Variants in TPRG1 observed in about 807,000 individuals in gnomAD.
The protein encoded by TPRG1 is tumor protein p63 regulated 1, also known as tumor protein p63-regulated gene 1 protein.
Under a neutral mutation model 29.3 loss-of-function variants are expected in TPRG1, and 29 were observed. The ratio of observed to expected loss-of-function variants is 0.99; its 90% CI spans 0.74 to 1.35. The LOEUF is 1.35. TPRG1 is among the 40% of genes most tolerant of loss of function. The pLI is 0.00. For missense variants in TPRG1, 327 were observed against 335.0 expected, an observed-to-expected ratio of 0.98 and a Z score of 0.19; for synonymous variants, 130 against 116.8, an observed-to-expected ratio of 1.11 and a Z score of -0.73.
At chr3:189,022,802 C>T (rs1713415020) in intron 3 of TPRG1, among the ~76,000 whole-genome samples, 2 of 152,356 alleles carry the variant, frequency 1.3e-5, no homozygotes, top group Middle Eastern at 3.4e-3. Context: ...CAAGCCGGGG[C>T]AATGGCGGGC....
intron 2 of TPRG1, among the ~76,000 whole-genome samples, chr3:189,209,683 T>A (rs1425256652): frequency 6.6e-6 from 1 of 152,200 alleles, no homozygotes; most frequent in African/African-American, 2.4e-5. Flanking sequence ...ATTCTGGAAC[T>A]TCTTTCTCCA....
rs536005788 is a variant in TPRG1 at position 189,017,201 on chromosome 3, G to T, written c.-659-6549G>T. Among the ~76,000 whole-genome samples, 13 of 32,974 alleles carry T rather than the reference G, an allele frequency of 3.9e-4. No individual in the cohort carries two copies. The East Asian group carries it at 8.6e-3, about 22-fold the overall frequency. The allele number at this position is 32,974 out of a possible 152,430, so 21.6% of individuals were successfully genotyped here. ...CAGAAAGACAGTCTTTGAGCTCTGA[G>T]ATTCTTTTTTTTTTTATTAAAATAT... On this transcript the variant is annotated intron_variant, in intron 3 of 10. Transcript: ENST00000433971.
upstream of TPRG1, among the ~76,000 whole-genome samples, chr3:189,169,595 T>A (rs570927680): frequency 6.6e-6 from 1 of 152,342 alleles, no homozygotes; most frequent in South Asian, 2.1e-4. Flanking sequence ...TACTGGGAGA[T>A]CTGTACATAG....
intron 4 of TPRG1, among the ~76,000 whole-genome samples, chr3:189,085,447 A>ATGTGTGTGTGTGCG (rs1553900877): frequency 8.2e-6 from 1 of 121,922 alleles, no homozygotes; most frequent in African/African-American, 4.3e-5. Flanking sequence ...GTGTGTGTGC[A>ATGTGTGTGTGTGCG]TGTGTGTGTG....
At chr3:189,001,427 G>A (rs1712012056) in intron 2 of TPRG1, among the ~76,000 whole-genome samples, 1 of 152,186 alleles carries the variant, frequency 6.6e-6, no homozygotes, top group African/African-American at 2.4e-5. Flanking sequence ...GGCAGATTCA[G>A]TGTCTGGTGA....
At chr3:189,311,659 T>G (rs1722510397) in intron 5 of TPRG1, among the ~76,000 whole-genome samples, 4 of 152,132 alleles carry the variant, frequency 2.6e-5, no homozygotes. Flanking sequence ...ATTATGCAAA[T>G]GTCCTCAGGG....
At chr3:189,238,284 A>G (rs1739867257) in intron 3 of TPRG1, among the ~76,000 whole-genome samples, 1 of 152,198 alleles carries the variant, frequency 6.6e-6, no homozygotes. Flanking sequence ...CAGCAGTGCA[A>G]CCTTCGGAAA....
At chr3:189,022,797 C>G (rs1009815976) in intron 3 of TPRG1, among the ~76,000 whole-genome samples, 60 of 152,282 alleles carry the variant, frequency 3.9e-4, no homozygotes, top group Middle Eastern at 3.4e-3. Flanking sequence ...CTAATCAAGC[C>G]GGGGCAATGG....
chr3:189,302,921 G>T (rs1226344894), intron 4 of TPRG1, among the ~76,000 whole-genome samples: 1 of 152,194 alleles, frequency 6.6e-6, no homozygotes, highest in Non-Finnish European at 1.5e-5. Flanking sequence ...AGTCAGGAAT[G>T]TTGATAGCAG....
intron 1 of TPRG1, among the ~76,000 whole-genome samples, chr3:189,172,747 A>G (rs1308428343): frequency 6.6e-6 from 1 of 152,206 alleles, no homozygotes; most frequent in African/African-American, 2.4e-5. Context: ...GCATGTATGT[A>G]AAGGGGAGTT....
At chr3:189,283,741 C>A (rs760177385) in intron 4 of TPRG1, among the ~76,000 whole-genome samples, 2 of 152,044 alleles carry the variant, frequency 1.3e-5, no homozygotes, top group African/African-American at 4.8e-5. Context: ...TTAATCTTTA[C>A]GATAATCCGG....
upstream of TPRG1, among the ~76,000 whole-genome samples, chr3:189,167,187 T>C (rs1728268276): frequency 6.6e-6 from 1 of 152,126 alleles, no homozygotes; most frequent in Admixed American, 6.5e-5. Flanking sequence ...AACCCACACT[T>C]CCTCCTGAGC....
At chr3:189,160,713 G>T (rs1255475772) in intron 5 of TPRG1, among the ~76,000 whole-genome samples, 2 of 152,228 alleles carry the variant, frequency 1.3e-5, no homozygotes, top group Non-Finnish European at 2.9e-5. Flanking sequence ...GTGTTGGAAT[G>T]CTGACCTTGC....
chr3:189,045,995 C>T (rs1714951575), intron 4 of TPRG1, among the ~76,000 whole-genome samples: 1 of 152,180 alleles, frequency 6.6e-6, no homozygotes, highest in Admixed American at 6.5e-5. Flanking sequence ...AGATGTTACT[C>T]AAAGTCAGGA....
At chr3:189,148,937 C>T (rs1038298812) in intron 4 of TPRG1, among the ~76,000 whole-genome samples, 3 of 152,202 alleles carry the variant, frequency 2.0e-5, no homozygotes, top group African/African-American at 7.2e-5. Flanking sequence ...TTGGGTAATG[C>T]CTAAGGCTCA....
intron 4 of TPRG1, among the ~76,000 whole-genome samples, chr3:189,090,124 A>G (rs909342484): frequency 6.6e-6 from 1 of 152,116 alleles, no homozygotes; most frequent in African/African-American, 2.4e-5. Flanking sequence ...TTGATAGTAA[A>G]TGCATTTAAG....
At chr3:189,022,746 C>T (rs919280266) in intron 3 of TPRG1, among the ~76,000 whole-genome samples, 68 of 152,386 alleles carry the variant, frequency 4.5e-4, no homozygotes, top group Admixed American at 1.2e-3. Flanking sequence ...TGAGCTGTGG[C>T]AGGCTCCACC....
chr3:189,138,514 A>G (rs567315740), intron 3 of TPRG1, among the ~76,000 whole-genome samples: 10 of 152,254 alleles, frequency 6.6e-5, no homozygotes, highest in Admixed American at 5.2e-4. Context: ...GGTTCCTTCC[A>G]TCTTCTGGTT....
rs1730532710 is a variant in TPRG1, at chr3:189,183,603, C to T, written c.-10+11472C>T. Among the ~76,000 whole-genome samples the T allele has an allele frequency of 4.6e-5, 7 of 152,044 alleles. No individual in the cohort carries two copies. In the South Asian group the frequency reaches 1.5e-3, roughly 32 times the overall value. On this transcript the variant is annotated intron_variant, in intron 1 of 5. Transcript: ENST00000345063. ...AAGGGGGCCATCTATAGACCCACCCCCAGGCACATATTCTCTTTCCCAGGG... is the reference window on the plus strand; with the variant it reads ...AAGGGGGCCATCTATAGACCCACCCTCAGGCACATATTCTCTTTCCCAGGG...
Sources: allele counts gnomAD v4.1 joint callset (sites outside exome capture counted in the v4.1 genomes callset), GRCh38; gene constraint gnomAD v4.1.1; transcripts MANE v1.5; gene names NCBI Gene and HGNC (gene_info 2026-07-23, HGNC 2026-07-21).